CDH18: variants seen among roughly 807,000 people sequenced by gnomAD.
CDH18 encodes the protein cadherin-18.
A neutral mutation model predicts 67.9 loss-of-function variants in CDH18; 31 were observed. That is an observed-to-expected ratio of 0.46 (90% confidence interval 0.34 to 0.62). The LOEUF (loss-of-function observed/expected upper bound fraction) is 0.62. Among genes scored for constraint, CDH18 ranks in the 20% least tolerant of loss-of-function variants. The pLI is 0.01. For missense variants in CDH18, 890 were observed against 975.5 expected (o/e 0.91, Z 1.17); for synonymous variants, 362 against 347.2 (o/e 1.04, Z -0.48).
chr5:20,432,193 G>A (rs1748798402), intron 1 of CDH18, among the ~76,000 whole-genome samples: 1 of 152,030 alleles, frequency 6.6e-6, no homozygotes, highest in Non-Finnish European at 1.5e-5. Flanking sequence ...AAAATTAAAC[G>A]GATAGTTATA....
chr5:19,598,143 G>C (rs1474228597), intron 6 of CDH18, among the ~76,000 whole-genome samples: 1 of 152,122 alleles, frequency 6.6e-6, no homozygotes, highest in South Asian at 2.1e-4. Context: ...TTCCCTGGTT[G>C]TATCACTACT....
chr5:19,523,339 A>C (rs1385797219), intron 9 of CDH18, among the ~76,000 whole-genome samples: 1 of 152,172 alleles, frequency 6.6e-6, no homozygotes, highest in Non-Finnish European at 1.5e-5. Flanking sequence ...GATAAATTTG[A>C]TTGCACTAAA....
chr5:20,266,479 C>T (rs966677919), intron 1 of CDH18, among the ~76,000 whole-genome samples: 10 of 151,926 alleles, frequency 6.6e-5, no homozygotes, highest in Non-Finnish European at 1.3e-4. Context: ...TTTCACCTCA[C>T]TGCAATCTCT....
intron 2 of CDH18, among the ~76,000 whole-genome samples, chr5:20,208,888 A>T (rs1373235219): frequency 1.3e-5 from 2 of 152,122 alleles, no homozygotes; most frequent in Non-Finnish European, 2.9e-5. Flanking sequence ...CAATAGCAAT[A>T]AAGAAAAAAC....
intron 1 of CDH18, among the ~76,000 whole-genome samples, chr5:20,383,014 T>A (rs1744038215): frequency 6.6e-6 from 1 of 152,108 alleles, no homozygotes. Context: ...TCTACCCAAA[T>A]TGTATTTGCC....
intron 1 of CDH18, among the ~76,000 whole-genome samples, chr5:20,317,246 A>G (rs1451568923): frequency 6.6e-6 from 1 of 152,060 alleles, no homozygotes; most frequent in Non-Finnish European, 1.5e-5. Flanking sequence ...ATTCTAGGTA[A>G]AGCATAAGTC....
At position 19,957,299 on chromosome 5, in the gene CDH18, T is replaced by A. The variant is rs1244059154; in HGVS notation, c.-257+23761A>T. 2.6e-5 allele frequency among the ~76,000 whole-genome samples: 4 copies of A among 151,364 alleles called. No homozygotes were observed. The Admixed American group carries it at 2.6e-4, about 10-fold the overall frequency. ...AAACATAAACACACAAACATGCATA[T>A]ATGTATGTGTATATATATGTTTTAT... On this transcript the variant is annotated intron_variant, in intron 2 of 12. Transcript: ENST00000382275.
chr5:19,663,968 T>A (rs1757551678), intron 5 of CDH18, among the ~76,000 whole-genome samples: 1 of 151,816 alleles, frequency 6.6e-6, no homozygotes, highest in Non-Finnish European at 1.5e-5. Context: ...AGAAAAAATA[T>A]TTTATAAGAA....
chr5:19,806,859 T>C (rs968989284), intron 3 of CDH18, among the ~76,000 whole-genome samples: 9 of 152,208 alleles, frequency 5.9e-5, no homozygotes, highest in Non-Finnish European at 8.8e-5. Context: ...ATAAATACAG[T>C]AATTCATTGC....
At chr5:19,652,677 G>GA (rs1442978697) in intron 5 of CDH18, among the ~76,000 whole-genome samples, 2 of 151,910 alleles carry the variant, frequency 1.3e-5, no homozygotes, top group African/African-American at 4.8e-5. Flanking sequence ...CGTTTATAAA[G>GA]AAAAAATGAA....
chr5:20,206,759 T>G (rs1739924960), intron 2 of CDH18, among the ~76,000 whole-genome samples: 1 of 151,920 alleles, frequency 6.6e-6, no homozygotes, highest in Non-Finnish European at 1.5e-5. Context: ...CCATATGATA[T>G]CAATAGATGC....
intron 2 of CDH18, among the ~76,000 whole-genome samples, chr5:19,884,984 T>C (rs972784600): frequency 5.3e-5 from 8 of 152,152 alleles, no homozygotes; most frequent in Non-Finnish European, 7.3e-5. Context: ...TTTTGCAAAG[T>C]GATATTGGTA....
chr5:19,928,985 C>T, intron 2 of CDH18, among the ~76,000 whole-genome samples: 1 of 79,452 alleles, frequency 1.3e-5, no homozygotes, highest in East Asian at 2.5e-4. Flanking sequence ...ATTTTGGCCA[C>T]ACATACACAT....
chr5:20,469,162 A>C (rs1364868491), intron 1 of CDH18, among the ~76,000 whole-genome samples: 3 of 152,162 alleles, frequency 2.0e-5, no homozygotes, highest in Non-Finnish European at 4.4e-5. Flanking sequence ...ACATAGGATG[A>C]GAAGAAAGAC....
At chr5:20,506,071 C>T (rs1754640472) in intron 1 of CDH18, among the ~76,000 whole-genome samples, 1 of 152,104 alleles carries the variant, frequency 6.6e-6, no homozygotes, top group Non-Finnish European at 1.5e-5. Flanking sequence ...AAAAGGATGA[C>T]ACATTTTCAA....
rs1214879392 is a variant in CDH18 at position 20,159,814 on chromosome 5, A to C, written c.-518+95630T>G. 1.3e-5 allele frequency among the ~76,000 whole-genome samples: 2 copies of C among 152,164 alleles called. 1 individual carries two copies. Among genetic ancestry groups the C allele is most frequent in the Non-Finnish European group, 2.9e-5 (2 of 68,016 alleles). ...GAGAACTATGGCTTCTCTTTGCCTCACTTCCTAAAACTTGGGAATGGTCAA... is the reference window on the plus strand; with the variant it reads ...GAGAACTATGGCTTCTCTTTGCCTCCCTTCCTAAAACTTGGGAATGGTCAA... On this transcript the variant is annotated intron_variant, in intron 2 of 14. Transcript: ENST00000507958.
Position 19,496,940 on chromosome 5 carries a change from A to G in CDH18, c.1630+6052T>C, listed in dbSNP as rs1343221593. On this transcript the variant is annotated intron_variant, in intron 11 of 12. Coordinates refer to ENST00000382275, the MANE Select transcript of CDH18 (RefSeq NM_004934.5). ...GGAAGCAGAGCCCAGGCCCTTACAG[A>G]CAACAAATGATCTTAGAGTTCCCAG... 1.4e-4 allele frequency among the ~76,000 whole-genome samples: 21 copies of G among 152,104 alleles called. 1 individual carries two copies. Among genetic ancestry groups the G allele is most frequent in the Admixed American group, 1.4e-3 (21 of 15,262 alleles).
At chr5:20,082,344 T>G (rs1023179155) in intron 2 of CDH18, among the ~76,000 whole-genome samples, 21 of 152,158 alleles carry the variant, frequency 1.4e-4, no homozygotes, top group African/African-American at 5.1e-4. Flanking sequence ...TAATTGTGAT[T>G]TTTGCACTAA....
At chr5:19,586,598 T>A (rs1197075259) in intron 7 of CDH18, among the ~76,000 whole-genome samples, 1 of 152,166 alleles carries the variant, frequency 6.6e-6, no homozygotes, top group Non-Finnish European at 1.5e-5. Context: ...TATCTTTACC[T>A]AGTCTATCAT....
Sources: allele counts gnomAD v4.1 joint callset (sites outside exome capture counted in the v4.1 genomes callset), GRCh38; gene constraint gnomAD v4.1.1; transcripts MANE v1.5; gene names NCBI Gene and HGNC (gene_info 2026-07-23, HGNC 2026-07-21).